ABCC9: variants seen among roughly 807,000 people sequenced by gnomAD.
ABCC9 encodes the protein ATP-binding cassette sub-family C member 9.
In ABCC9, 95 loss-of-function variants were observed where a neutral mutation model predicts 188.3. The ratio of observed to expected loss-of-function variants is 0.50; its 90% confidence interval spans 0.43 to 0.60. The LOEUF (loss-of-function observed/expected upper bound fraction) is 0.60. Among genes scored for constraint, ABCC9 ranks in the 20% least tolerant of loss-of-function variants. ABCC9 has a pLI of 0.00. For synonymous variants in ABCC9, 659 were observed against 652.7 expected (o/e 1.01, Z -0.15); for missense variants, 1,102 against 1,876.3 (o/e 0.59, Z 7.62).
intron 8 of ABCC9, among the ~76,000 whole-genome samples, chr12:21,911,539 C>T (rs1164407007): frequency 2.0e-5 from 3 of 151,838 alleles, no homozygotes; most frequent in African/African-American, 4.8e-5. Flanking sequence ...AGTAGGAATA[C>T]GACTGAATTC....
chr12:21,824,238 A>T (rs55792915), intron 31 of ABCC9, among the ~76,000 whole-genome samples: 3,486 of 152,284 alleles, frequency 0.023, 52 homozygotes, highest in Non-Finnish European at 0.038. Flanking sequence ...TTCTGCATCT[A>T]TTAAGATAAT....
At chr12:21,938,359 G>A (rs1949573949) in intron 2 of ABCC9, among the ~76,000 whole-genome samples, 2 of 151,866 alleles carry the variant, frequency 1.3e-5, no homozygotes, top group South Asian at 2.1e-4. Context: ...TATACACTGG[G>A]TAAATTCTAA....
chr12:21,866,225 A>C (rs200706369), intron 18 of ABCC9, among the ~76,000 whole-genome samples: 2 of 70,186 alleles, frequency 2.8e-5, no homozygotes, highest in Non-Finnish European at 6.6e-5. Context: ...GAAGGGGCTC[A>C]TAATCCATTT....
chr12:21,811,966 G>T, intron 36 of ABCC9, 83 bp downstream of exon 36: 1 of 985,196 alleles, frequency 1.0e-6, no homozygotes, highest in Non-Finnish European at 1.6e-6. Context: ...ACTCATACCT[G>T]AAAAATGACT....
intron 22 of ABCC9, 143 bp downstream of exon 22, chr12:21,859,443 C>A (rs770720451): frequency 1.2e-6 from 1 of 824,450 alleles, no homozygotes; most frequent in Non-Finnish European, 2.1e-6. Context: ...ATCTGTACTT[C>A]AAGGATTTAT....
At chr12:21,831,838 G>A (rs1325495121) in intron 30 of ABCC9, among the ~76,000 whole-genome samples, 3 of 152,132 alleles carry the variant, frequency 2.0e-5, no homozygotes, top group Non-Finnish European at 4.4e-5. Flanking sequence ...TGGAGATGAG[G>A]CCAGGTGGAC....
chr12:21,911,039 A>C (rs2137877119), intron 8 of ABCC9, 61 bp from the exon 9 acceptor site: 7 of 1,493,320 alleles, frequency 4.7e-6, no homozygotes, highest in East Asian at 4.5e-5. Flanking sequence ...CCAGGTGTAC[A>C]GTTTGCATTT....
At chr12:21,884,256 T>G (rs1272247031) in intron 15 of ABCC9, among the ~76,000 whole-genome samples, 2 of 151,990 alleles carry the variant, frequency 1.3e-5, no homozygotes, top group Non-Finnish European at 2.9e-5. Flanking sequence ...TTGCTATTTG[T>G]AGAGACAGGT....
At chr12:21,808,534 G>A (rs994312032) in intron 37 of ABCC9, among the ~76,000 whole-genome samples, 16 of 152,052 alleles carry the variant, frequency 1.1e-4, no homozygotes, top group Non-Finnish European at 2.4e-4. Context: ...ATCTCTAAAT[G>A]CCAAGAGAGA....
At chr12:21,916,033 C>A in intron 6 of ABCC9, 123 bp from the exon 7 acceptor site, 1 of 871,206 alleles carries the variant, frequency 1.1e-6, no homozygotes, top group South Asian at 1.7e-5. Flanking sequence ...TTTAATGCCT[C>A]CTTCCATCCC....
intron 4 of ABCC9, among the ~76,000 whole-genome samples, chr12:21,929,405 C>G (rs1949184194): frequency 6.6e-6 from 1 of 151,434 alleles, no homozygotes; most frequent in Admixed American, 6.6e-5. Flanking sequence ...AAAAGGAGAA[C>G]AAAAACTAAT....
intron 10 of ABCC9, 92 bp from the exon 11 acceptor site, chr12:21,908,303 T>C: frequency 2.1e-6 from 3 of 1,436,328 alleles, no homozygotes; most frequent in Non-Finnish European, 2.9e-6. Context: ...ATGTAGTATT[T>C]CTTAATTATT....
At chr12:21,864,012 C>T (rs1372914079) in intron 19 of ABCC9, among the ~76,000 whole-genome samples, 2 of 151,998 alleles carry the variant, frequency 1.3e-5, no homozygotes, top group Non-Finnish European at 2.9e-5. Context: ...CCCCCCACCC[C>T]ACTCAGCTCT....
chr12:21,865,096 G>A (rs759044885), intron 18 of ABCC9, among the ~76,000 whole-genome samples: 1 of 152,098 alleles, frequency 6.6e-6, no homozygotes, highest in Non-Finnish European at 1.5e-5. Context: ...AAAGACACCT[G>A]AAGACCTATT....
intron 17 of ABCC9, among the ~76,000 whole-genome samples, chr12:21,875,019 G>A (rs1946270674): frequency 6.6e-6 from 1 of 152,154 alleles, no homozygotes; most frequent in South Asian, 2.1e-4. Context: ...ATATAGTACT[G>A]TGTACTTTAA....
rs1555114097 is a variant in ABCC9, at chr12:21,910,928, T to C, written c.1062A>G (p.Leu354=). 8 of 1,612,576 alleles carry C rather than the reference T, an allele frequency of 5.0e-6. No individual in the cohort carries two copies. The highest frequency in any genetic ancestry group is 1.1e-5 in the South Asian group (1 of 91,046). The part of the protein sequence containing the change: ...SKEFLENAYV[L]AVLLFLALIL... ...TAAGAGCCAAGAAGAGAAGAACTGCTAGAACGTAAGCGTTTTCAAGAAATT... is the reference window on the plus strand; with the variant it reads ...TAAGAGCCAAGAAGAGAAGAACTGCCAGAACGTAAGCGTTTTCAAGAAATT... The change falls in exon 9 of 40, where the codon CTA becomes CTG. Residue 354 remains leucine, a synonymous_variant. Transcript: ENST00000261200.
chr12:21,833,483 T>C (rs1943890605), intron 30 of ABCC9, among the ~76,000 whole-genome samples: 1 of 152,098 alleles, frequency 6.6e-6, no homozygotes, highest in Non-Finnish European at 1.5e-5. Flanking sequence ...TGCTAAATTA[T>C]GCTCATGTGT....
intron 12 of ABCC9, among the ~76,000 whole-genome samples, chr12:21,898,200 C>A (rs1947519526): frequency 6.6e-6 from 1 of 152,090 alleles, no homozygotes; most frequent in Non-Finnish European, 1.5e-5. Context: ...AACCACTGGG[C>A]TGTTGTAATA....
chr12:21,844,708 T>C, intron 27 of ABCC9, 59 bp downstream of exon 27: 1 of 1,603,048 alleles, frequency 6.2e-7, no homozygotes, highest in Non-Finnish European at 8.5e-7. Flanking sequence ...CCACTTAAAT[T>C]GAAAAATGCA....
Sources: allele counts gnomAD v4.1 joint callset (sites outside exome capture counted in the v4.1 genomes callset), GRCh38; gene constraint gnomAD v4.1.1; transcripts MANE v1.5; gene names NCBI Gene and HGNC (gene_info 2026-07-23, HGNC 2026-07-21).